The following ANKS1B variants were observed in gnomAD, a reference collection of about 807,000 sequenced individuals.
The protein encoded by ANKS1B is ankyrin repeat and sterile alpha motif domain containing 1B.
ANKS1B carries 36 observed loss-of-function variants against 148.3 expected under a neutral mutation model. The ratio of observed to expected loss-of-function variants is 0.24; its 90% CI spans 0.19 to 0.32. The LOEUF (loss-of-function observed/expected upper bound fraction) is 0.32, where lower values mean the gene tolerates loss of function less well. Ranked by LOEUF, ANKS1B falls within the 10% of genes least tolerant of loss-of-function variation. The pLI, the probability that ANKS1B is intolerant of heterozygous loss-of-function variation, is 1.00. For synonymous variants in ANKS1B, 542 were observed against 560.8 expected, an observed-to-expected ratio of 0.97 and a Z score of 0.47; for missense variants, 1,157 against 1,542.6, an observed-to-expected ratio of 0.75 and a Z score of 4.19.
At chr12:99,777,910 G>A (rs2063829452) in intron 6 of ANKS1B, among the ~76,000 whole-genome samples, 1 of 151,762 alleles carries the variant, frequency 6.6e-6, no homozygotes, top group African/African-American at 2.4e-5. Context: ...AAAGTTCAGT[G>A]AGAGGCAGCC....
intron 8 of ANKS1B, among the ~76,000 whole-genome samples, chr12:99,665,539 T>C (rs1259292983): frequency 6.6e-6 from 1 of 151,824 alleles, no homozygotes; most frequent in Non-Finnish European, 1.5e-5. Context: ...CTGGATGGAG[T>C]GCAGTGGCAC....
At chr12:98,951,220 A>G (rs1235332456) in intron 17 of ANKS1B, among the ~76,000 whole-genome samples, 1 of 152,108 alleles carries the variant, frequency 6.6e-6, no homozygotes, top group Non-Finnish European at 1.5e-5. Context: ...GCTTTAGTGG[A>G]CAGTACATTT....
intron 4 of ANKS1B, among the ~76,000 whole-genome samples, chr12:99,798,148 A>C (rs1341888934): frequency 2.6e-5 from 4 of 151,988 alleles, no homozygotes; most frequent in African/African-American, 9.7e-5. Flanking sequence ...AAGCCTGCGA[A>C]AGAGAATAAT....
intron 17 of ANKS1B, among the ~76,000 whole-genome samples, chr12:99,000,965 C>A (rs1053941485): frequency 6.6e-6 from 1 of 151,526 alleles, no homozygotes; most frequent in Non-Finnish European, 1.5e-5. Context: ...AGTAATATTC[C>A]GCTGTGTGTG....
intron 12 of ANKS1B, among the ~76,000 whole-genome samples, chr12:99,321,146 G>A (rs576136574): frequency 1.4e-3 from 211 of 152,342 alleles, no homozygotes; most frequent in African/African-American, 4.7e-3. Flanking sequence ...AGGCTACTCA[G>A]GGGTCAGGGA....
At chr12:98,888,675 T>C (rs940138911) in intron 17 of ANKS1B, among the ~76,000 whole-genome samples, 1 of 152,254 alleles carries the variant, frequency 6.6e-6, no homozygotes, top group Non-Finnish European at 1.5e-5. Flanking sequence ...TGGGGTGTTC[T>C]TTCTCCAGCA....
At chr12:99,573,406 T>C (rs2097482843) in intron 9 of ANKS1B, among the ~76,000 whole-genome samples, 1 of 152,062 alleles carries the variant, frequency 6.6e-6, no homozygotes, top group African/African-American at 2.4e-5. Context: ...CTTAATTGGA[T>C]TTAGGGATCA....
intron 9 of ANKS1B, among the ~76,000 whole-genome samples, chr12:99,644,596 C>T (rs1159962657): frequency 6.6e-6 from 1 of 152,186 alleles, no homozygotes; most frequent in Non-Finnish European, 1.5e-5. Flanking sequence ...CTACCCAGTG[C>T]CCAATTCCAA....
At chr12:99,041,659 A>G (rs1233576535) in intron 17 of ANKS1B, among the ~76,000 whole-genome samples, 2 of 152,062 alleles carry the variant, frequency 1.3e-5, no homozygotes, top group East Asian at 3.9e-4. Flanking sequence ...CTTACAAACA[A>G]TAATAAGATC....
chr12:98,761,708 G>C (rs868748331), intron 25 of ANKS1B, among the ~76,000 whole-genome samples: 10 of 152,184 alleles, frequency 6.6e-5, no homozygotes, highest in South Asian at 2.1e-4. Context: ...TGTTCACTTA[G>C]ATATTTATTC....
chr12:99,926,877 C>T (rs2094490478), intron 1 of ANKS1B, among the ~76,000 whole-genome samples: 1 of 152,148 alleles, frequency 6.6e-6, no homozygotes, highest in South Asian at 2.1e-4. Flanking sequence ...GTCCCCATTC[C>T]CCCATGCTAC....
chr12:98,838,601 T>C (rs138835583), intron 17 of ANKS1B, among the ~76,000 whole-genome samples: 1 of 152,324 alleles, frequency 6.6e-6, no homozygotes, highest in African/African-American at 2.4e-5. Context: ...TGCATCCTTT[T>C]TATTTCTAGA....
chr12:99,395,585 A>G (rs2094216615), intron 12 of ANKS1B, among the ~76,000 whole-genome samples: 1 of 152,096 alleles, frequency 6.6e-6, no homozygotes, highest in South Asian at 2.1e-4. Context: ...CCCCTTCTCC[A>G]ATGTCATTTC....
At chr12:98,900,467 T>C (rs2099770460) in intron 17 of ANKS1B, among the ~76,000 whole-genome samples, 1 of 152,204 alleles carries the variant, frequency 6.6e-6, no homozygotes, top group African/African-American at 2.4e-5. Flanking sequence ...CCTTCAGAAT[T>C]ATAATGCCAA....
At chr12:98,850,183 G>C (rs1257196841) in intron 17 of ANKS1B, among the ~76,000 whole-genome samples, 3 of 152,094 alleles carry the variant, frequency 2.0e-5, no homozygotes, top group African/African-American at 4.8e-5. Flanking sequence ...AGTACCTTTT[G>C]TTCTTTATGT....
intron 15 of ANKS1B, among the ~76,000 whole-genome samples, chr12:99,137,236 A>G (rs1312404884): frequency 6.6e-6 from 1 of 152,204 alleles, no homozygotes; most frequent in East Asian, 1.9e-4. Flanking sequence ...TAGTATCAAT[A>G]AAACGCTTTC....
At chr12:99,313,391 G>A (rs993492287) in intron 12 of ANKS1B, among the ~76,000 whole-genome samples, 1 of 152,112 alleles carries the variant, frequency 6.6e-6, no homozygotes, top group African/African-American at 2.4e-5. Context: ...AACTGAAAAG[G>A]AGGGAATCTT....
intron 11 of ANKS1B, among the ~76,000 whole-genome samples, chr12:99,408,256 G>A (rs576968347): frequency 1.4e-5 from 2 of 145,518 alleles, no homozygotes; most frequent in South Asian, 2.1e-4. Flanking sequence ...GTTACATAAG[G>A]GAAAAGACAG....
chr12:99,838,767 T>C (rs1017900779), intron 1 of ANKS1B, among the ~76,000 whole-genome samples: 7 of 152,124 alleles, frequency 4.6e-5, no homozygotes, highest in African/African-American at 1.7e-4. Context: ...AATTTTTTAA[T>C]TTCTCTCTAT....
Sources: gnomAD v4.1 joint callset for allele counts (sites outside exome capture counted in the v4.1 genomes callset) on GRCh38, gnomAD v4.1.1 for gene constraint, MANE v1.5 for transcripts, NCBI Gene and HGNC (gene_info 2026-07-23, HGNC 2026-07-21) for gene names.